Variants in SIM1 observed in about 807,000 individuals in gnomAD.
The protein encoded by SIM1 is single-minded homolog 1.
SIM1 carries 18 observed loss-of-function variants against 78.2 expected under a neutral mutation model. The ratio of observed to expected loss-of-function variants is 0.23; its 90% confidence interval spans 0.16 to 0.34. The LOEUF is 0.34. Ranked by LOEUF, SIM1 falls within the 10% of genes least tolerant of loss-of-function variation. The pLI is 1.00. For synonymous variants in SIM1, 417 were observed against 385.2 expected (o/e 1.08, Z -0.97); for missense variants, 939 against 975.1 (o/e 0.96, Z 0.49).
intron 2 of SIM1, among the ~76,000 whole-genome samples, chr6:100,458,231 C>A (rs1298594692): frequency 6.6e-6 from 1 of 152,170 alleles, no homozygotes; most frequent in Non-Finnish European, 1.5e-5. Context: ...ATTCATGCAG[C>A]GTTCATGAGA....
chr6:100,391,480 A>G (rs1322622188), intron 11 of SIM1, among the ~76,000 whole-genome samples: 1 of 152,258 alleles, frequency 6.6e-6, no homozygotes, highest in Non-Finnish European at 1.5e-5. Flanking sequence ...TATTCTGTAG[A>G]GCAGTGCCAT....
chr6:100,437,266 A>T (rs1454147161), intron 9 of SIM1: 1 of 152,194 alleles, frequency 6.6e-6, no homozygotes, highest in Non-Finnish European at 1.5e-5. Context: ...AGTTTGAAAC[A>T]TCCAACTAAG....
At chr6:100,405,732 A>AC (rs1033061065) in intron 10 of SIM1, among the ~76,000 whole-genome samples, 2 of 151,216 alleles carry the variant, frequency 1.3e-5, no homozygotes, top group South Asian at 2.1e-4. Flanking sequence ...AATCCACCCC[A>AC]CCCCCCAAAA....
intron 10 of SIM1, among the ~76,000 whole-genome samples, chr6:100,412,719 G>GAAAGAAAGAA (rs1771271270): frequency 7.7e-6 from 1 of 130,550 alleles, no homozygotes. Flanking sequence ...AAGAAAGAAA[G>GAAAGAAAGAA]AAAGAAAGAA....
chr6:100,428,163 C>A (rs1386663156), intron 9 of SIM1, among the ~76,000 whole-genome samples: 1 of 152,078 alleles, frequency 6.6e-6, no homozygotes, highest in African/African-American at 2.4e-5. Context: ...TCATGTTTTC[C>A]TGTTATGCAC....
At chr6:100,408,727 G>T (rs975182077) in intron 10 of SIM1, among the ~76,000 whole-genome samples, 2 of 151,982 alleles carry the variant, frequency 1.3e-5, no homozygotes, top group African/African-American at 2.4e-5. Context: ...TTGATTTGTG[G>T]ATGGAACCAA....
chr6:100,454,204 C>T (rs983294022), intron 2 of SIM1, among the ~76,000 whole-genome samples: 40 of 152,154 alleles, frequency 2.6e-4, no homozygotes, highest in African/African-American at 8.7e-4. Context: ...TGCTTCTCGC[C>T]CAAAGTTTTC....
intron 9 of SIM1, among the ~76,000 whole-genome samples, chr6:100,434,640 A>C (rs547968045): frequency 1.3e-4 from 20 of 152,232 alleles, no homozygotes; most frequent in Non-Finnish European, 2.2e-4. Context: ...TTCAGTAGGA[A>C]GAGGTGAGAG....
intron 10 of SIM1, among the ~76,000 whole-genome samples, chr6:100,402,167 T>A (rs548424285): frequency 6.6e-6 from 1 of 152,234 alleles, no homozygotes. Flanking sequence ...TCACTTTCAC[T>A]TAGGTAAACA....
intron 9 of SIM1, 100 bp downstream of exon 9, chr6:100,447,168 G>A (rs1402862168): frequency 8.0e-6 from 11 of 1,383,356 alleles, no homozygotes; most frequent in East Asian, 7.3e-5. Flanking sequence ...GGCATTCCCC[G>A]TGGCCCGAGC....
rs1182524319 is a variant in SIM1, at chr6:100,385,999, A to G, written c.*4362T>C. ...TCATTTAAAATTTAGATGATAACGA[A>G]TGTTTTATCCACAATTAGTTCCACA... On this transcript the variant is annotated 3_prime_UTR_variant, in exon 12 of 12. Transcript: ENST00000369208. 6.6e-6 allele frequency: 1 copy of G among 152,020 alleles called. No homozygotes were observed. Among genetic ancestry groups the G allele is most frequent in the Non-Finnish European group, 1.5e-5 (1 of 67,910 alleles). 9.4% of individuals were successfully genotyped at this position (152,020 alleles called of 1,614,324 possible).
intron 8 of SIM1, 83 bp from the exon 9 acceptor site, chr6:100,447,498 G>A: frequency 6.6e-7 from 1 of 1,524,784 alleles, no homozygotes; most frequent in Non-Finnish European, 9.0e-7. Flanking sequence ...GGTAAGAATT[G>A]AGGGCTCCCT....
At chr6:100,432,585 C>T (rs752414271) in intron 9 of SIM1, among the ~76,000 whole-genome samples, 11 of 152,156 alleles carry the variant, frequency 7.2e-5, no homozygotes, top group Non-Finnish European at 1.3e-4. Context: ...AGTACTCCCA[C>T]CCCTACTTCC....
At chr6:100,430,130 G>A (rs953920646) in intron 9 of SIM1, among the ~76,000 whole-genome samples, 2 of 152,124 alleles carry the variant, frequency 1.3e-5, no homozygotes, top group Non-Finnish European at 2.9e-5. Context: ...GTGTCATGTG[G>A]CTTATAAATG....
chr6:100,405,658 A>G (rs1771034618), intron 10 of SIM1, among the ~76,000 whole-genome samples: 1 of 152,208 alleles, frequency 6.6e-6, no homozygotes. Context: ...TTCATGAAGT[A>G]GAAACATGGG....
At chr6:100,439,336 C>T (rs1772145840) in intron 9 of SIM1, among the ~76,000 whole-genome samples, 2 of 152,160 alleles carry the variant, frequency 1.3e-5, no homozygotes, top group Non-Finnish European at 2.9e-5. Context: ...CTGCTTCCAA[C>T]CCTTAAAATT....
At chr6:100,414,319 T>C (rs1057092581) in intron 10 of SIM1, among the ~76,000 whole-genome samples, 19 of 152,180 alleles carry the variant, frequency 1.2e-4, no homozygotes, top group African/African-American at 4.3e-4. Context: ...CCTCCCCAAC[T>C]AGACCCTAGT....
At chr6:100,444,619 A>G (rs1442984960) in intron 9 of SIM1, among the ~76,000 whole-genome samples, 1 of 152,152 alleles carries the variant, frequency 6.6e-6, no homozygotes, top group Non-Finnish European at 1.5e-5. Flanking sequence ...GAAGTCAGTA[A>G]AAAGCATCAA....
chr6:100,451,006 G>T (rs1160059672), intron 3 of SIM1, among the ~76,000 whole-genome samples: 2 of 152,110 alleles, frequency 1.3e-5, no homozygotes, highest in African/African-American at 4.8e-5. Flanking sequence ...AAACTGACAG[G>T]CTCTCCATGA....
Sources: allele counts gnomAD v4.1 joint callset (sites outside exome capture counted in the v4.1 genomes callset), GRCh38; gene constraint gnomAD v4.1.1; transcripts MANE v1.5; gene names NCBI Gene and HGNC (gene_info 2026-07-23, HGNC 2026-07-21).